PLEKHA6: variants seen among roughly 807,000 people sequenced by gnomAD.
PLEKHA6 encodes the protein pleckstrin homology domain-containing family A member 6.
In PLEKHA6, 60 loss-of-function variants were observed where a neutral mutation model predicts 116.7. The observed-to-expected ratio is 0.51, with a 90% CI of 0.42 to 0.64. PLEKHA6 has a LOEUF of 0.64. PLEKHA6 is among the 30% of genes least tolerant of loss of function. The pLI is 0.00. For missense variants in PLEKHA6, 1,338 were observed against 1,422.7 expected (o/e 0.94, Z 0.96); for synonymous variants, 489 against 556.1 (o/e 0.88, Z 1.70).
At chr1:204,353,201 C>T (rs550983247) in intron 1 of PLEKHA6, among the ~76,000 whole-genome samples, 105 of 152,262 alleles carry the variant, frequency 6.9e-4, no homozygotes, top group African/African-American at 2.4e-3. Flanking sequence ...ACTGGCTCTG[C>T]GTGAAACATC....
intron 1 of PLEKHA6, among the ~76,000 whole-genome samples, chr1:204,324,042 C>G (rs1157860594): frequency 6.6e-6 from 1 of 152,116 alleles, no homozygotes; most frequent in African/African-American, 2.4e-5. Context: ...TGAGTGAGAC[C>G]TGAAGTCACA....
At chr1:204,377,089 G>A (rs1403796285) in intron 1 of PLEKHA6, among the ~76,000 whole-genome samples, 1 of 152,198 alleles carries the variant, frequency 6.6e-6, no homozygotes. Context: ...AAGCAGGACA[G>A]GAGAGGAGAA....
At position 204,228,895 on chromosome 1, in the gene PLEKHA6, T is replaced by C. The variant is rs778228131; in HGVS notation, c.2752-34A>G. The C allele has an allele frequency of 2.5e-6, 4 of 1,614,030 alleles. No homozygotes were observed. The highest frequency in any genetic ancestry group is 3.4e-6 in the Non-Finnish European group (4 of 1,179,946). On this transcript the variant is annotated intron_variant, in intron 19 of 22. Transcript: ENST00000272203. The surrounding 1 kb of genome is among the most constrained non-coding windows in gnomAD (Gnocchi z 4.0). Reference sequence around the variant, plus strand: ...GGGCTGGGGTCACCACCTCTGTCCCTTCCCAGAGTCTCCCACTACAGCCCT... The same window carrying C: ...GGGCTGGGGTCACCACCTCTGTCCCCTCCCAGAGTCTCCCACTACAGCCCT...
intron 1 of PLEKHA6, chr1:204,307,825 T>C (rs1022913752): frequency 1.0e-6 from 1 of 981,262 alleles, no homozygotes; most frequent in Non-Finnish European, 1.2e-6. Context: ...TGCTCTCCAC[T>C]GTCTCTCCCA....
intron 1 of PLEKHA6, chr1:204,311,747 CA>C: frequency 1.3e-6 from 1 of 778,706 alleles, no homozygotes; most frequent in Non-Finnish European, 1.6e-6. Flanking sequence ...TACTTCCCAA[CA>C]TGAAAGCCCT....
rs1397600845 is a variant in PLEKHA6, at chr1:204,238,494, A to T, written c.2409+2881T>A. Among the ~76,000 whole-genome samples, 3 of 152,222 alleles carry T rather than the reference A, an allele frequency of 2.0e-5. No individual in the cohort carries two copies. The East Asian group carries it at 5.8e-4, about 29-fold the overall frequency. ...CATGCGACCTGAACTGCCTATCATG[A>T]ACAGGGTGCTTTCTGACCCATCTAG... On this transcript the variant is annotated intron_variant, in intron 17 of 22. Transcript: ENST00000272203. The surrounding 1 kb of genome is among the most constrained non-coding windows in gnomAD (Gnocchi z 4.2).
At chr1:204,371,979 A>T (rs1673786173) in intron 1 of PLEKHA6, among the ~76,000 whole-genome samples, 1 of 152,236 alleles carries the variant, frequency 6.6e-6, no homozygotes. Flanking sequence ...GGGAAGCATG[A>T]AGGCTTCACG....
chr1:204,369,232 A>T (rs1439431993), intron 2 of PLEKHA6: 1 of 152,196 alleles, frequency 6.6e-6, no homozygotes, highest in Non-Finnish European at 1.5e-5. Flanking sequence ...AACATTATAC[A>T]ATAGGTGTCC....
At chr1:204,362,651 A>G (rs1673582397), upstream of PLEKHA6, among the ~76,000 whole-genome samples, 2 of 152,160 alleles carry the variant, frequency 1.3e-5, no homozygotes, top group Admixed American at 1.3e-4. Context: ...GGCTTTAGCA[A>G]TCCTCCCTCC....
chr1:204,260,519 C>T (rs1381869064), intron 7 of PLEKHA6, among the ~76,000 whole-genome samples: 1 of 152,218 alleles, frequency 6.6e-6, no homozygotes, highest in East Asian at 1.9e-4. Flanking sequence ...AATGAATGAA[C>T]TCTTGGAATT....
intron 18 of PLEKHA6, among the ~76,000 whole-genome samples, chr1:204,229,643 G>A (rs1251069638): frequency 6.6e-6 from 1 of 152,030 alleles, no homozygotes; most frequent in Non-Finnish European, 1.5e-5. Context: ...TCAGACTCCT[G>A]GTCTCAAACA....
intron 1 of PLEKHA6, 182 bp from the exon 2 acceptor site, chr1:204,274,991 T>C: frequency 4.9e-6 from 1 of 202,804 alleles, no homozygotes; most frequent in Non-Finnish European, 7.4e-6. Flanking sequence ...GGGGGCGGGG[T>C]GGGGGAAGGA....
chr1:204,359,449 T>G (rs1029064143), intron 1 of PLEKHA6: 1 of 213,988 alleles, frequency 4.7e-6, no homozygotes, highest in Non-Finnish European at 8.0e-6. Flanking sequence ...TGTAATCAAT[T>G]TAAACAGCAT....
At position 204,261,498 on chromosome 1, in the gene PLEKHA6, C is replaced by A; in HGVS notation, c.382-50G>T. On this transcript the variant is annotated intron_variant, in intron 6 of 22. Transcript: ENST00000272203. The surrounding 1 kb of genome is among the most constrained non-coding windows in gnomAD (Gnocchi z 4.0). Reference sequence around the variant, plus strand: ...GCTGGCCTCGGCCTCATCCACCCAGCACACAGTCACCTGTTGGGAGAAGAC... The same window carrying A: ...GCTGGCCTCGGCCTCATCCACCCAGAACACAGTCACCTGTTGGGAGAAGAC... 1.3e-6 allele frequency: 2 copies of A among 1,549,192 alleles called. No individual in the cohort carries two copies. The highest frequency in any genetic ancestry group is 1.7e-6 in the Non-Finnish European group (2 of 1,147,538).
intron 3 of PLEKHA6, among the ~76,000 whole-genome samples, chr1:204,365,417 A>G (rs1162383628): frequency 3.9e-5 from 6 of 152,178 alleles, no homozygotes; most frequent in African/African-American, 1.2e-4. Flanking sequence ...GGAGATATCG[A>G]GAAGTGGGTG....
rs916807460 is a variant in PLEKHA6 at position 204,257,212 on chromosome 1, C to T, written c.1524+141G>A. On this transcript the variant is annotated intron_variant, in intron 9 of 22. Coordinates refer to ENST00000272203, the MANE Select transcript of PLEKHA6 (RefSeq NM_014935.5). The surrounding 1 kb of genome is among the most constrained non-coding windows in gnomAD (Gnocchi z 6.5). ...ACCACAGGCCAGGGGCTCCGCTGGG[C>T]AGCACTGCTGGTCCTGCAGACAAAC... is the stretch of plus-strand genomic sequence containing the variant. 2 of 793,216 alleles carry T rather than the reference C, an allele frequency of 2.5e-6. No individual in the cohort carries two copies. The highest frequency in any genetic ancestry group is 1.7e-5 in the African/African-American group (1 of 58,334). The allele number at this position is 793,216 out of a possible 1,614,324, so 49.1% of individuals were successfully genotyped here. A position where few individuals can be genotyped will look rare whatever the true frequency, so the allele number is the denominator to read the frequency against.
In PLEKHA6 at chr1:204,229,035, G is replaced by A; in HGVS notation, c.2653C>T (p.Pro885Ser). 1 of 1,614,144 alleles carries A rather than the reference G, an allele frequency of 6.2e-7. No individual in the cohort carries two copies. The highest frequency in any genetic ancestry group is 8.5e-7 in the Non-Finnish European group (1 of 1,180,000). ...GGTGTCTCGTAGGCATGCCCGCCAG[G>A]CTCCTCTGCCCGCAGGGCTGCCTCC... is the stretch of plus-strand genomic sequence containing the variant. Reference protein sequence around the residue: ...NLEAALRAEEPGGHAYETPRE... With the variant: ...NLEAALRAEESGGHAYETPRE... Residue 885 changes from proline (P) to serine (S), a missense_variant, in exon 19 of 23, where the codon CCT (proline) becomes TCT (serine). By Grantham distance (74) the Pro-to-Ser change is moderately conservative. This residue lies in a region of PLEKHA6 where 1,136 missense variants were observed against 1,163.6 expected (regional missense o/e 0.98). Coordinates refer to ENST00000272203, the MANE Select transcript of PLEKHA6 (RefSeq NM_014935.5).
At chr1:204,276,098 T>C (rs895368271) in intron 1 of PLEKHA6, among the ~76,000 whole-genome samples, 4 of 152,094 alleles carry the variant, frequency 2.6e-5, no homozygotes, top group African/African-American at 9.7e-5. Flanking sequence ...CCTTGGGCTG[T>C]CTGCTAAAGC....
intron 1 of PLEKHA6, among the ~76,000 whole-genome samples, chr1:204,331,228 G>A (rs1438492528): frequency 1.3e-5 from 2 of 149,912 alleles, no homozygotes; most frequent in Non-Finnish European, 3.0e-5. Flanking sequence ...AAAGGAATGA[G>A]CATCTCAGCC....
Sources: allele counts gnomAD v4.1 joint callset (sites outside exome capture counted in the v4.1 genomes callset), GRCh38; gene constraint gnomAD v4.1.1; regional missense constraint gnomAD v4.1.1; non-coding constraint Gnocchi (gnomAD v3.1); transcripts MANE v1.5; gene names NCBI Gene and HGNC (gene_info 2026-07-23, HGNC 2026-07-21).